Variants in BTBD10 observed in about 807,000 individuals in gnomAD.
BTBD10 encodes the protein BTB/POZ domain-containing protein 10.
Under a neutral mutation model 53.2 loss-of-function variants are expected in BTBD10, and 21 were observed. The observed-to-expected ratio is 0.39, with a 90% CI of 0.28 to 0.57. The LOEUF is 0.57. BTBD10 is among the 20% of genes least tolerant of loss of function. BTBD10 has a pLI of 0.53. For synonymous variants in BTBD10, 149 were observed against 192.7 expected (o/e 0.77, Z 1.88); for missense variants, 360 against 594.7 (o/e 0.61, Z 4.10).
At chr11:13,432,590 G>T (rs72857028) in intron 2 of BTBD10, among the ~76,000 whole-genome samples, 16,185 of 151,412 alleles carry the variant, frequency 0.11, 962 homozygotes, top group Middle Eastern at 0.15. Flanking sequence ...AACAAAAGGA[G>T]CAATAAAGTG....
At chr11:13,400,674 C>T (rs543173820) in intron 8 of BTBD10, among the ~76,000 whole-genome samples, 1 of 124,264 alleles carries the variant, frequency 8.0e-6, no homozygotes, top group East Asian at 2.1e-4. Flanking sequence ...TGTTCCTATT[C>T]GGCCATCTTG....
chr11:13,419,463 C>A lies in BTBD10; in HGVS notation c.581G>T (p.Gly194Val). 6.2e-7 allele frequency: 1 copy of A among 1,609,620 alleles called. No homozygotes were observed. Among genetic ancestry groups the A allele is most frequent in the Non-Finnish European group, 8.5e-7 (1 of 1,178,422 alleles). The change falls in exon 4 of 9, where the codon GGC (glycine) becomes GTC (valine). Residue 194 changes from glycine to valine, a missense_variant. This residue lies in a region of BTBD10 where 91 missense variants were observed against 171.7 expected (regional missense o/e 0.53). Coordinates refer to ENST00000278174, the MANE Select transcript of BTBD10 (RefSeq NM_032320.7). ...IFTAQPNTML[G>V]RMFGSGREHN... is the part of the protein sequence containing the mutation. ...AAATAACTGCAATAATACAAACCTG[C>A]CCAACATTGTATTTGGCTGTGCAGT...
intron 8 of BTBD10, among the ~76,000 whole-genome samples, chr11:13,396,098 G>A (rs941753609): frequency 5.3e-5 from 8 of 152,030 alleles, no homozygotes; most frequent in Admixed American, 1.3e-4. Context: ...AGCTTGATGG[G>A]GATGGCATTG....
intron 2 of BTBD10, chr11:13,440,172 T>C (rs1196161773): frequency 6.8e-7 from 1 of 1,469,832 alleles, no homozygotes; most frequent in East Asian, 2.7e-5. Context: ...GCTTTAAATA[T>C]TCAGAGATAC....
chr11:13,413,686 TG>T, intron 5 of BTBD10, 36 bp from the exon 6 acceptor site: 1 of 1,591,746 alleles, frequency 6.3e-7, no homozygotes, highest in East Asian at 2.3e-5. Flanking sequence ...ATAAAATATC[TG>T]GAGCATAAGG....
At chr11:13,390,837 G>C (rs1273955378) in intron 8 of BTBD10, among the ~76,000 whole-genome samples, 2 of 152,194 alleles carry the variant, frequency 1.3e-5, no homozygotes, top group African/African-American at 4.8e-5. Flanking sequence ...TGGAGTATGT[G>C]TGTATGTGGT....
Position 13,405,684 on chromosome 11 carries a change from T to C in BTBD10, c.981A>G (p.Pro327=). 1 of 1,613,698 alleles carries C rather than the reference T, an allele frequency of 6.2e-7. No homozygotes were observed. Among genetic ancestry groups the C allele is most frequent in the Non-Finnish European group, 8.5e-7 (1 of 1,179,636 alleles). The part of the protein sequence containing the change: ...DVVDWDEEYP[P]QMGEEYSQII... ...TTTGTGAATATTCTTCTCCCATCTG[T>C]GGTGGATATTCTTCATCCCAATCAA... The change falls in exon 7 of 9, where the codon CCA becomes CCG. Residue 327 remains proline (P), a synonymous_variant. Coordinates refer to ENST00000278174, the MANE Select transcript of BTBD10 (RefSeq NM_032320.7).
chr11:13,406,359 C>CT (rs1949827691), intron 6 of BTBD10, among the ~76,000 whole-genome samples: 1 of 152,162 alleles, frequency 6.6e-6, no homozygotes, highest in Non-Finnish European at 1.5e-5. Context: ...CTTCAACCTC[C>CT]TTAAGCACAG....
At chr11:13,427,193 G>T (rs1421156221) in intron 2 of BTBD10, among the ~76,000 whole-genome samples, 1 of 151,622 alleles carries the variant, frequency 6.6e-6, no homozygotes. Context: ...CTACAGCCTG[G>T]GCAACAGAGG....
intron 6 of BTBD10, among the ~76,000 whole-genome samples, chr11:13,410,672 A>G (rs1283548205): frequency 6.6e-6 from 1 of 152,238 alleles, no homozygotes. Context: ...TGAGGCATAT[A>G]TTAGGATCAA....
At chr11:13,434,715 C>A (rs183414579) in intron 2 of BTBD10, among the ~76,000 whole-genome samples, 5 of 152,296 alleles carry the variant, frequency 3.3e-5, no homozygotes, top group Admixed American at 2.6e-4. Flanking sequence ...AGAAAGGAGA[C>A]AAAGGTAAAA....
rs531330587 is a variant in BTBD10, at chr11:13,450,854, C to A, written c.-57-5673G>T. ...AATCTAGGTATACTATAAAAAACAA[C>A]TATTTAAAAGCACTTGAAAGTGTCC... On this transcript the variant is annotated intron_variant, in intron 1 of 8. Coordinates refer to ENST00000278174, the MANE Select transcript of BTBD10 (RefSeq NM_032320.7). Among the ~76,000 whole-genome samples, 92 of 152,290 alleles carry A rather than the reference C, an allele frequency of 6.0e-4. 2 individuals carry two copies. The highest frequency in any genetic ancestry group is 2.2e-3 in the African/African-American group (90 of 41,558).
chr11:13,417,110 C>T (rs1438418207), intron 5 of BTBD10, 48 bp downstream of exon 5: 1 of 1,403,828 alleles, frequency 7.1e-7, no homozygotes. Flanking sequence ...CCAAGTACCT[C>T]CAAGAAGGCG....
intron 6 of BTBD10, among the ~76,000 whole-genome samples, chr11:13,411,750 T>C (rs1162738717): frequency 6.6e-6 from 1 of 152,142 alleles, no homozygotes; most frequent in African/African-American, 2.4e-5. Flanking sequence ...ACATTAATTA[T>C]ATAAAGATTA....
intron 2 of BTBD10, among the ~76,000 whole-genome samples, chr11:13,440,988 C>T (rs1434895570): frequency 6.6e-6 from 1 of 152,092 alleles, no homozygotes; most frequent in African/African-American, 2.4e-5. Context: ...TTAACATCTT[C>T]AGCAGGCTAC....
chr11:13,457,361 AC>A (rs1950993587), intron 1 of BTBD10, among the ~76,000 whole-genome samples: 1 of 152,164 alleles, frequency 6.6e-6, no homozygotes, highest in Admixed American at 6.5e-5. Context: ...ATGGTAAAAG[AC>A]TAAAACAATC....
chr11:13,418,529 A>G (rs978472563), intron 4 of BTBD10, among the ~76,000 whole-genome samples: 2 of 152,092 alleles, frequency 1.3e-5, no homozygotes, highest in African/African-American at 4.8e-5. Context: ...ATCCTCCCCT[A>G]TAATACTAAA....
Position 13,388,861 on chromosome 11 carries a change from G to C in BTBD10, c.1398C>G (p.Leu466=), listed in dbSNP as rs754760447. 1 of 1,613,814 alleles carries C rather than the reference G, an allele frequency of 6.2e-7. No individual in the cohort carries two copies. The highest frequency in any genetic ancestry group is 2.2e-5 in the East Asian group (1 of 44,878). The stretch of plus-strand genomic sequence containing the variant: ...GCATTGGATTCTGTGCATCAGGATC[G>C]AGGTCACTGTTGCCAGAAGGGGGAT... ...PIHPPSGNSD[L]DPDAQNPML Residue 466 remains leucine, a synonymous_variant, in exon 9 of 9, where the codon CTC becomes CTG. Coordinates refer to ENST00000278174, the MANE Select transcript of BTBD10 (RefSeq NM_032320.7).
chr11:13,450,598 G>A (rs144947394), intron 1 of BTBD10, among the ~76,000 whole-genome samples: 2 of 152,292 alleles, frequency 1.3e-5, no homozygotes, highest in East Asian at 1.9e-4. Context: ...CCCATGGAGT[G>A]TAACATAAAT....
Sources: gnomAD v4.1 joint callset for allele counts (sites outside exome capture counted in the v4.1 genomes callset) on GRCh38, gnomAD v4.1.1 for gene constraint, gnomAD v4.1.1 regional missense constraint, MANE v1.5 for transcripts, NCBI Gene and HGNC (gene_info 2026-07-23, HGNC 2026-07-21) for gene names.